SPAG9: variants seen among roughly 807,000 people sequenced by gnomAD.
SPAG9 encodes C-Jun-amino-terminal kinase-interacting protein 4.
A neutral mutation model predicts 166.5 loss-of-function variants in SPAG9; 35 were observed. The ratio of observed to expected loss-of-function variants is 0.21; its 90% CI spans 0.16 to 0.28. SPAG9 has a LOEUF of 0.28. Among genes scored for constraint, SPAG9 ranks in the 10% least tolerant of loss-of-function variants. The pLI, the probability that SPAG9 is intolerant of heterozygous loss-of-function variation, is 1.00. For synonymous variants in SPAG9, 534 were observed against 565.5 expected (o/e 0.94, Z 0.79); for missense variants, 1,235 against 1,603.3 (o/e 0.77, Z 3.92).
chr17:51,032,625 C>T (rs2046424414), intron 5 of SPAG9, among the ~76,000 whole-genome samples: 1 of 152,078 alleles, frequency 6.6e-6, no homozygotes, highest in Non-Finnish European at 1.5e-5. Flanking sequence ...TGCTAGCTCT[C>T]AGTTATGCCC....
intron 1 of SPAG9, among the ~76,000 whole-genome samples, chr17:51,081,738 G>A (rs1425863066): frequency 6.7e-6 from 1 of 150,224 alleles, no homozygotes; most frequent in African/African-American, 2.4e-5. Flanking sequence ...GCAAACCTCT[G>A]TCTCAAAAAA....
At chr17:50,986,232 G>T (rs1487588826) in intron 22 of SPAG9, among the ~76,000 whole-genome samples, 2 of 151,922 alleles carry the variant, frequency 1.3e-5, no homozygotes, top group Admixed American at 6.5e-5. Context: ...AAAAGTGTGT[G>T]TGGGGGGGAA....
At chr17:51,076,419 T>C (rs2144618240) in intron 2 of SPAG9, among the ~76,000 whole-genome samples, 1 of 149,720 alleles carries the variant, frequency 6.7e-6, no homozygotes, top group Non-Finnish European at 1.5e-5. Context: ...CCGGTTTCAA[T>C]AAATAATAAT....
At chr17:51,046,327 T>C (rs1406511204) in intron 4 of SPAG9, among the ~76,000 whole-genome samples, 1 of 152,226 alleles carries the variant, frequency 6.6e-6, no homozygotes, top group East Asian at 1.9e-4. Flanking sequence ...AACATAAAGC[T>C]ATAATCCTAA....
intron 1 of SPAG9, among the ~76,000 whole-genome samples, chr17:51,101,040 C>T (rs540584836): frequency 1.1e-4 from 16 of 152,068 alleles, no homozygotes; most frequent in African/African-American, 3.9e-4. Context: ...CATAGGCAAT[C>T]GTCTTTTTAA....
chr17:51,110,191 G>C (rs1194333122), intron 1 of SPAG9, among the ~76,000 whole-genome samples: 3 of 152,140 alleles, frequency 2.0e-5, no homozygotes, highest in Admixed American at 2.0e-4. Context: ...AATTAAATAT[G>C]TGTATGTGTG....
chr17:51,041,749 A>G, intron 4 of SPAG9, 98 bp from the exon 5 acceptor site: 1 of 1,098,084 alleles, frequency 9.1e-7, no homozygotes, highest in Non-Finnish European at 1.3e-6. Flanking sequence ...CTGTTTTACA[A>G]CCATCACTCA....
chr17:50,994,208 AGTGAATAAGTC>A (rs1257211581), intron 18 of SPAG9, among the ~76,000 whole-genome samples: 2 of 152,102 alleles, frequency 1.3e-5, no homozygotes, highest in Admixed American at 6.5e-5. Flanking sequence ...TTCTCGTGAT[AGTGAATAAGTC>A]TCACGAGATC....
Position 51,062,671 on chromosome 17 carries a change from A to G in SPAG9, c.425-6189T>C, listed in dbSNP as rs766636462. Among the ~76,000 whole-genome samples the G allele has an allele frequency of 1.3e-4, 19 of 151,820 alleles. No homozygotes were observed. The South Asian group carries it at 2.1e-3, about 17-fold the overall frequency. On this transcript the variant is annotated intron_variant, in intron 2 of 29. Coordinates refer to ENST00000262013, the MANE Select transcript of SPAG9 (RefSeq NM_001130528.3). ...AGTGGCATGATCTCAGCTCACTGCA[A>G]CCTCCGCCTGCCAGGTTCGAGCAAT...
rs2048108919 is a variant in SPAG9 at position 51,079,645 on chromosome 17, C to T, written c.363G>A (p.Val121=). 6.2e-7 allele frequency: 1 copy of T among 1,611,780 alleles called. No homozygotes were observed. The highest frequency in any genetic ancestry group is 1.3e-5 in the African/African-American group (1 of 74,866). Residue 121 remains valine (V), a synonymous_variant, in exon 2 of 30, where the codon GTG becomes GTA. Transcript: ENST00000262013. Reference sequence around the variant, plus strand: ...GTCTTGTTTGAGATTCTAAAGATTCCACTCGGGTCTGTAAGTCCTTTTTTT... The same window carrying T: ...GTCTTGTTTGAGATTCTAAAGATTCTACTCGGGTCTGTAAGTCCTTTTTTT... ...EQEKKDLQTR[V]ESLESQTRQL...
intron 8 of SPAG9, 93 bp from the exon 9 acceptor site, chr17:51,014,446 T>A: frequency 9.9e-7 from 1 of 1,008,268 alleles, no homozygotes; most frequent in South Asian, 2.9e-5. Context: ...TACATAGGAC[T>A]TTCTTACCTA....
intron 1 of SPAG9, among the ~76,000 whole-genome samples, chr17:51,104,246 T>C (rs1399450734): frequency 1.3e-5 from 2 of 152,158 alleles, no homozygotes; most frequent in African/African-American, 2.4e-5. Flanking sequence ...GGCCTTAAAG[T>C]AGGCTATCAG....
intron 18 of SPAG9, 41 bp from the exon 19 acceptor site, chr17:50,993,976 A>G: frequency 6.5e-7 from 1 of 1,530,438 alleles, no homozygotes; most frequent in South Asian, 1.1e-5. Context: ...AACAATATGT[A>G]TGTACAAATA....
rs1449956557 is a variant in SPAG9, at chr17:50,982,626, C to G, written c.3135G>C (p.Arg1045=). ...LSNYHLLDLG[R]PHHSIRCMTV... is the part of the protein sequence containing the mutation. Reference sequence around the variant, plus strand: ...TCATGCAACGGATGGAATGATGAGGCCGTCCAAGGTCTAAGAGGTGATAGT... The same window carrying G: ...TCATGCAACGGATGGAATGATGAGGGCGTCCAAGGTCTAAGAGGTGATAGT... The change falls in exon 25 of 30, where the codon CGG becomes CGC. Residue 1045 remains arginine, a synonymous_variant. Coordinates refer to ENST00000262013, the MANE Select transcript of SPAG9 (RefSeq NM_001130528.3). 6.2e-7 allele frequency: 1 copy of G among 1,613,734 alleles called. No individual in the cohort carries two copies. Among genetic ancestry groups the G allele is most frequent in the East Asian group, 2.2e-5 (1 of 44,890 alleles).
intron 26 of SPAG9, among the ~76,000 whole-genome samples, chr17:50,978,506 C>T (rs1474685552): frequency 6.6e-6 from 1 of 152,096 alleles, no homozygotes; most frequent in Non-Finnish European, 1.5e-5. Context: ...GAGCAGGGAA[C>T]AAGACAATGA....
At chr17:51,111,888 C>T (rs1470482881) in intron 1 of SPAG9, among the ~76,000 whole-genome samples, 1 of 152,098 alleles carries the variant, frequency 6.6e-6, no homozygotes, top group Non-Finnish European at 1.5e-5. Context: ...CAGGCATGAG[C>T]CACCATGCGT....
At chr17:51,093,400 T>A (rs1353348019) in intron 1 of SPAG9, among the ~76,000 whole-genome samples, 1 of 149,866 alleles carries the variant, frequency 6.7e-6, no homozygotes, top group Non-Finnish European at 1.5e-5. Context: ...AGACAGTGGA[T>A]AAGAAAATTA....
chr17:51,095,966 T>C (rs1174129050), intron 1 of SPAG9, among the ~76,000 whole-genome samples: 2 of 101,938 alleles, frequency 2.0e-5, no homozygotes, highest in Admixed American at 9.7e-5. Context: ...GTGATATATA[T>C]ATATAGTGAT....
intron 1 of SPAG9, among the ~76,000 whole-genome samples, chr17:51,089,665 C>CACACACAT (rs1555658114): frequency 2.3e-5 from 1 of 44,374 alleles, no homozygotes; most frequent in African/African-American, 6.8e-5. Flanking sequence ...TATATATATA[C>CACACACAT]ACATACACAC....
Sources: allele counts gnomAD v4.1 joint callset (sites outside exome capture counted in the v4.1 genomes callset), GRCh38; gene constraint gnomAD v4.1.1; transcripts MANE v1.5; gene names NCBI Gene and HGNC (gene_info 2026-07-23, HGNC 2026-07-21).